The following PNKD variants were observed in gnomAD, a reference collection of about 807,000 sequenced individuals.
PNKD encodes probable thioesterase PNKD.
In PNKD, 36 loss-of-function variants were observed where a neutral mutation model predicts 45.3. That is an observed-to-expected ratio of 0.80 (90% CI 0.61 to 1.05). The LOEUF (loss-of-function observed/expected upper bound fraction) is 1.05. Among genes scored for constraint, PNKD ranks in the 50% least tolerant of loss-of-function variants. PNKD has a pLI of 0.00. For missense variants in PNKD, 511 were observed against 506.6 expected (o/e 1.01, Z -0.08); for synonymous variants, 197 against 210.1 (o/e 0.94, Z 0.54).
At chr2:218,295,049 G>A (rs1282409131) in intron 2 of PNKD, among the ~76,000 whole-genome samples, 1 of 152,170 alleles carries the variant, frequency 6.6e-6, no homozygotes, top group East Asian at 1.9e-4. Flanking sequence ...CCGACTGGGG[G>A]AGTGGGACAT....
chr2:218,291,471 T>C (rs977162562), intron 2 of PNKD, among the ~76,000 whole-genome samples: 1 of 152,190 alleles, frequency 6.6e-6, no homozygotes, highest in Non-Finnish European at 1.5e-5. Context: ...CCCAGAGAAC[T>C]GGACACCTGA....
intron 2 of PNKD, among the ~76,000 whole-genome samples, chr2:218,333,500 A>G (rs1009939524): frequency 4.6e-5 from 7 of 152,160 alleles, no homozygotes. Flanking sequence ...AACATCTTCC[A>G]CTTGCCAGGC....
chr2:218,323,356 C>T, intron 2 of PNKD: 1 of 1,581,052 alleles, frequency 6.3e-7, no homozygotes, highest in Non-Finnish European at 8.6e-7. Context: ...CTTGTGAGCC[C>T]CCGCGGCTGC....
Position 218,340,005 on chromosome 2 carries a change from C to T in PNKD, c.353-24C>T, listed in dbSNP as rs73088163. ...CCTGGGCTCCCTGCCTGTTACCCCG[C>T]CCACAGCCCATCTCTGTCCCCAGGA... On this transcript the variant is annotated intron_variant, in intron 3 of 9. Transcript: ENST00000273077. This position sits in a 1 kb window ranked among gnomAD's most constrained non-coding sequence, Gnocchi z 4.2. 0.057 allele frequency: 89,184 copies of T among 1,554,528 alleles called. 3,275 individuals are homozygous for T. The highest frequency in any genetic ancestry group is 0.13 in the South Asian group (11,772 of 89,800).
intron 2 of PNKD, chr2:218,277,017 A>G (rs1407069889): frequency 6.2e-7 from 1 of 1,614,070 alleles, no homozygotes; most frequent in South Asian, 1.1e-5. Context: ...TTGGAAGTAG[A>G]GCACAATGCT....
chr2:218,277,496 G>A (rs747072009), intron 2 of PNKD: 17 of 1,609,080 alleles, frequency 1.1e-5, no homozygotes, highest in African/African-American at 5.3e-5. Flanking sequence ...ATTAAGCCAC[G>A]TATGAATGAC....
intron 2 of PNKD, among the ~76,000 whole-genome samples, chr2:218,325,446 T>G (rs1694123407): frequency 6.6e-6 from 1 of 151,980 alleles, no homozygotes; most frequent in Admixed American, 6.6e-5. Context: ...GACCTCATGA[T>G]CTGCCCACCT....
At chr2:218,296,121 T>G (rs1031233635) in intron 2 of PNKD, among the ~76,000 whole-genome samples, 1 of 152,184 alleles carries the variant, frequency 6.6e-6, no homozygotes, top group Non-Finnish European at 1.5e-5. Flanking sequence ...GTGCTGGGAC[T>G]ACAGGCATGA....
chr2:218,340,591 C>T lies in PNKD; in HGVS notation c.466-137C>T. On this transcript the variant is annotated intron_variant, in intron 4 of 9. Coordinates refer to ENST00000273077, the MANE Select transcript of PNKD (RefSeq NM_015488.5). The surrounding 1 kb of genome is among the most constrained non-coding windows in gnomAD (Gnocchi z 4.2). ...TTCACATTCCTGGATCTCTCCCCTC[C>T]AGCTCCATCCCTTTCCTCTGCTTCA... 5.4e-6 allele frequency: 4 copies of T among 741,088 alleles called. No individual in the cohort carries two copies. Among genetic ancestry groups the T allele is most frequent in the Non-Finnish European group, 9.8e-6 (4 of 406,940 alleles). The allele number at this position is 741,088 out of a possible 1,614,324, so 45.9% of individuals were successfully genotyped here. A position where few individuals can be genotyped will look rare whatever the true frequency, so the allele number is the denominator to read the frequency against.
intron 2 of PNKD, among the ~76,000 whole-genome samples, chr2:218,284,510 A>C (rs537460484): frequency 6.6e-6 from 1 of 152,356 alleles, no homozygotes; most frequent in South Asian, 2.1e-4. Flanking sequence ...CGGGGACTCC[A>C]AGGTTCTGGT....
intron 2 of PNKD, among the ~76,000 whole-genome samples, chr2:218,312,671 G>A (rs1177890604): frequency 6.6e-6 from 1 of 151,788 alleles, no homozygotes; most frequent in African/African-American, 2.4e-5. Flanking sequence ...TCAGAAGTTC[G>A]AGACCAGCCT....
intron 2 of PNKD, chr2:218,323,148 G>A: frequency 1.5e-6 from 2 of 1,337,588 alleles, no homozygotes; most frequent in Non-Finnish European, 1.9e-6. Flanking sequence ...CAATGGGCGG[G>A]GCGGGGCCAC....
chr2:218,339,487 A>C (rs1559531522), intron 2 of PNKD, among the ~76,000 whole-genome samples: 1 of 151,956 alleles, frequency 6.6e-6, no homozygotes, highest in South Asian at 2.1e-4. Context: ...CGGCCTCCCA[A>C]AGTTCTGGGA....
At chr2:218,282,083 G>C in intron 2 of PNKD, 2 of 1,588,606 alleles carry the variant, frequency 1.3e-6, no homozygotes, top group Non-Finnish European at 1.7e-6. Flanking sequence ...AGGGGGCGGA[G>C]GGCCTGGGTA....
chr2:218,270,619 C>CG lies in PNKD; in HGVS notation c.67+21dup. On this transcript the variant is annotated intron_variant, in intron 1 of 9. Coordinates refer to ENST00000273077, the MANE Select transcript of PNKD (RefSeq NM_015488.5). Reference sequence around the variant, plus strand: ...TCCTCCGGGGTAAGGAGAGGGACCCCGGGGAGGGCAGGACTGCAGAAGATC... The same window carrying CG: ...TCCTCCGGGGTAAGGAGAGGGACCCCGGGGGAGGGCAGGACTGCAGAAGATC... 2.4e-6 allele frequency: 2 copies of CG among 836,626 alleles called. No individual in the cohort carries two copies. Among genetic ancestry groups the CG allele is most frequent in the Non-Finnish European group, 3.3e-6 (2 of 602,378 alleles). 51.8% of individuals were successfully genotyped at this position (836,626 alleles called of 1,614,324 possible).
At chr2:218,310,083 C>A (rs1693558197) in intron 2 of PNKD, among the ~76,000 whole-genome samples, 1 of 152,158 alleles carries the variant, frequency 6.6e-6, no homozygotes, top group African/African-American at 2.4e-5. Flanking sequence ...CGGGTGCTGG[C>A]ATTTCCTCCT....
chr2:218,278,392 C>T, intron 2 of PNKD: 2 of 1,020,178 alleles, frequency 2.0e-6, no homozygotes, highest in South Asian at 1.4e-5. Context: ...TCATCGTCAT[C>T]CTCCTCCTCA....
chr2:218,334,471 T>C (rs1181432628), intron 2 of PNKD, among the ~76,000 whole-genome samples: 1 of 152,140 alleles, frequency 6.6e-6, no homozygotes, highest in Non-Finnish European at 1.5e-5. Context: ...GAGTAGAGCC[T>C]GGGCAATCAT....
intron 2 of PNKD, among the ~76,000 whole-genome samples, chr2:218,321,684 C>T (rs1224195968): frequency 1.4e-5 from 2 of 139,122 alleles, no homozygotes; most frequent in African/African-American, 5.5e-5. Flanking sequence ...GCTGGAGTGC[C>T]GTGGCACAAT....
Sources: allele counts gnomAD v4.1 joint callset (sites outside exome capture counted in the v4.1 genomes callset), GRCh38; gene constraint gnomAD v4.1.1; non-coding constraint Gnocchi (gnomAD v3.1); transcripts MANE v1.5; gene names NCBI Gene and HGNC (gene_info 2026-07-23, HGNC 2026-07-21).